Variants in KPNA1 observed in about 807,000 individuals in gnomAD.
KPNA1 encodes karyopherin subunit alpha 1, also known as importin subunit alpha-5.
In KPNA1, 10 loss-of-function variants were observed where a neutral mutation model predicts 70.5. The ratio of observed to expected loss-of-function variants is 0.14; its 90% CI spans 0.09 to 0.24. KPNA1 has a LOEUF of 0.24. Ranked by LOEUF, KPNA1 falls within the 10% of genes least tolerant of loss-of-function variation. The pLI is 1.00. For missense variants in KPNA1, 397 were observed against 637.9 expected (o/e 0.62, Z 4.07); for synonymous variants, 192 against 221.9 (o/e 0.87, Z 1.20).
At chr3:122,504,723 T>G (rs1372683572) in intron 1 of KPNA1, among the ~76,000 whole-genome samples, 1 of 152,242 alleles carries the variant, frequency 6.6e-6, no homozygotes, top group African/African-American at 2.4e-5. Context: ...ATCTCATTTA[T>G]GGATACTGGT....
At chr3:122,475,129 G>A (rs2076482996) in intron 2 of KPNA1, among the ~76,000 whole-genome samples, 1 of 152,108 alleles carries the variant, frequency 6.6e-6, no homozygotes, top group Non-Finnish European at 1.5e-5. Flanking sequence ...CCAATAAACT[G>A]TTAGAAATAA....
intron 8 of KPNA1, 119 bp from the exon 9 acceptor site, chr3:122,449,856 A>G: frequency 1.4e-6 from 1 of 708,946 alleles, no homozygotes; most frequent in South Asian, 2.2e-5. Flanking sequence ...TTACACTTCT[A>G]AAGATGAAGC....
chr3:122,454,558 C>A (rs1411880050), intron 5 of KPNA1, among the ~76,000 whole-genome samples: 1 of 152,150 alleles, frequency 6.6e-6, no homozygotes, highest in Admixed American at 6.5e-5. Context: ...TTAAAAACTT[C>A]TGTAGAATGG....
intron 12 of KPNA1, among the ~76,000 whole-genome samples, chr3:122,429,446 CAAAAAAAAA>C (rs57991855): frequency 1.3e-3 from 79 of 58,784 alleles, no homozygotes; most frequent in African/African-American, 4.4e-3. Flanking sequence ...AACTCTGTCT[CAAAAAAAAA>C]AAAAAAAAAA....
chr3:122,425,060 T>G lies in KPNA1; in HGVS notation c.*1925A>C, dbSNP rs1455649795. On this transcript the variant is annotated 3_prime_UTR_variant, in exon 14 of 14. Transcript: ENST00000344337. Reference sequence around the variant, plus strand: ...GTAACAGTTATAGATGGGAGTTGACTAGTTTTGCAGTGGCTGCGCCATCAA... The same window carrying G: ...GTAACAGTTATAGATGGGAGTTGACGAGTTTTGCAGTGGCTGCGCCATCAA... The G allele has an allele frequency of 6.6e-6, 1 of 152,550 alleles. No homozygotes were observed. Among genetic ancestry groups the G allele is most frequent in the East Asian group, 1.9e-4 (1 of 5,198 alleles). 9.4% of individuals were successfully genotyped at this position (152,550 alleles called of 1,614,324 possible).
intron 1 of KPNA1, among the ~76,000 whole-genome samples, chr3:122,497,542 A>G (rs1012186371): frequency 6.6e-6 from 1 of 152,234 alleles, no homozygotes; most frequent in Non-Finnish European, 1.5e-5. Flanking sequence ...TCCCCTCAGC[A>G]GCATATGAGG....
intron 5 of KPNA1, chr3:122,460,713 T>TA: frequency 1.1e-6 from 1 of 937,216 alleles, no homozygotes; most frequent in Non-Finnish European, 1.3e-6. Flanking sequence ...ATCCCTTATA[T>TA]AGTACAGTAC....
At chr3:122,460,167 G>A in intron 5 of KPNA1, 1 of 985,136 alleles carries the variant, frequency 1.0e-6, no homozygotes. Flanking sequence ...TGAGAATTTA[G>A]GGATCACATG....
intron 11 of KPNA1, among the ~76,000 whole-genome samples, chr3:122,435,460 T>G (rs73190107): frequency 2.0e-5 from 3 of 152,316 alleles, no homozygotes; most frequent in Non-Finnish European, 4.4e-5. Flanking sequence ...TGAGGCAATC[T>G]ACATGGGTCC....
intron 2 of KPNA1, among the ~76,000 whole-genome samples, chr3:122,490,071 AATG>A (rs1471505225): frequency 3.9e-5 from 6 of 152,260 alleles, no homozygotes; most frequent in African/African-American, 1.4e-4. Flanking sequence ...AATCCTTTAA[AATG>A]ATATTTTCTC....
chr3:122,454,678 A>T (rs1388529031), intron 5 of KPNA1, among the ~76,000 whole-genome samples: 2 of 152,228 alleles, frequency 1.3e-5, no homozygotes, highest in Non-Finnish European at 2.9e-5. Context: ...ACAGCACATA[A>T]TGAAAAGAAA....
chr3:122,510,603 CAG>C (rs1399395847), intron 1 of KPNA1, among the ~76,000 whole-genome samples: 1 of 152,150 alleles, frequency 6.6e-6, no homozygotes, highest in East Asian at 1.9e-4. Flanking sequence ...ATGGTAGAGA[CAG>C]TGTGTGCATA....
intron 5 of KPNA1, among the ~76,000 whole-genome samples, chr3:122,454,534 C>G (rs2076244990): frequency 6.6e-6 from 1 of 151,976 alleles, no homozygotes; most frequent in Non-Finnish European, 1.5e-5. Flanking sequence ...TGTATGTTAT[C>G]TAATAAAAAA....
At chr3:122,429,445 T>TAAAA (rs2075868832) in intron 12 of KPNA1, among the ~76,000 whole-genome samples, 1 of 16,094 alleles carries the variant, frequency 6.2e-5, no homozygotes, top group Non-Finnish European at 1.1e-4. Flanking sequence ...AAACTCTGTC[T>TAAAA]CAAAAAAAAA....
At chr3:122,457,960 G>T in intron 5 of KPNA1, 1 of 896,022 alleles carries the variant, frequency 1.1e-6, no homozygotes, top group Non-Finnish European at 1.5e-6. Flanking sequence ...AAGGCAGAGA[G>T]ATCAATGAAG....
At position 122,428,555 on chromosome 3, in the gene KPNA1, G is replaced by C. The variant is rs150443583; in HGVS notation, c.1251-839C>G. 4.5e-3 allele frequency among the ~76,000 whole-genome samples: 678 copies of C among 152,212 alleles called. 3 individuals carry two copies. Among genetic ancestry groups the C allele is most frequent in the Non-Finnish European group, 7.7e-3 (524 of 68,002 alleles). ...ATATCATGAAAGAGAATCATCACTT[G>C]ATCTCATGGATATTAAAAGGATAAT... On this transcript the variant is annotated intron_variant, in intron 12 of 13. Coordinates refer to ENST00000344337, the MANE Select transcript of KPNA1 (RefSeq NM_002264.4).
At chr3:122,461,162 T>C in intron 5 of KPNA1, 62 bp downstream of exon 5, 2 of 1,044,774 alleles carry the variant, frequency 1.9e-6, no homozygotes, top group Non-Finnish European at 2.9e-6. Context: ...CAAATTTGTG[T>C]ACAAAATAAA....
chr3:122,433,640 T>C (rs202079859), intron 12 of KPNA1, 21 bp downstream of exon 12: 2 of 1,573,490 alleles, frequency 1.3e-6, no homozygotes, highest in East Asian at 2.3e-5. Context: ...ACTTACAATA[T>C]GCTGCCTGAT....
intron 2 of KPNA1, among the ~76,000 whole-genome samples, chr3:122,470,512 A>T (rs1010131146): frequency 5.9e-5 from 9 of 151,968 alleles, no homozygotes; most frequent in Non-Finnish European, 1.2e-4. Flanking sequence ...ACTCCGTCTC[A>T]AAAATAAATA....
Sources: allele counts gnomAD v4.1 joint callset (sites outside exome capture counted in the v4.1 genomes callset), GRCh38; gene constraint gnomAD v4.1.1; transcripts MANE v1.5; gene names NCBI Gene and HGNC (gene_info 2026-07-23, HGNC 2026-07-21).